CPED1: variants seen among roughly 807,000 people sequenced by gnomAD.
CPED1 encodes cadherin-like and PC-esterase domain-containing protein 1.
In CPED1, 114 loss-of-function variants were observed where a neutral mutation model predicts 128.2. The observed-to-expected ratio is 0.89, with a 90% CI of 0.76 to 1.04. The LOEUF is 1.04. Among genes scored for constraint, CPED1 ranks in the 50% least tolerant of loss-of-function variants. The probability of loss-of-function intolerance (pLI) is 0.00; values close to 1 mark genes in which losing one functional copy is unlikely to be tolerated. For missense variants in CPED1, 1,211 were observed against 1,207.1 expected (o/e 1.00, Z -0.05); for synonymous variants, 462 against 426.7 (o/e 1.08, Z -1.02).
intron 2 of CPED1, among the ~76,000 whole-genome samples, chr7:121,006,952 C>T (rs1053838732): frequency 6.6e-6 from 1 of 152,208 alleles, no homozygotes; most frequent in Admixed American, 6.5e-5. Context: ...TTGGTTGAAA[C>T]GAATGAGCAT....
At chr7:121,293,280 A>ATT (rs1322819898) in intron 22 of CPED1, among the ~76,000 whole-genome samples, 1 of 152,122 alleles carries the variant, frequency 6.6e-6, no homozygotes, top group Non-Finnish European at 1.5e-5. Context: ...CCAGTTCGAA[A>ATT]TTCCCAGCGG....
At chr7:121,283,838 G>C (rs1792509417) in intron 22 of CPED1, among the ~76,000 whole-genome samples, 1 of 152,194 alleles carries the variant, frequency 6.6e-6, no homozygotes, top group African/African-American at 2.4e-5. Context: ...CTGCACAACT[G>C]TCTGTGCAGA....
chr7:121,216,649 G>T (rs1224767414), intron 16 of CPED1, among the ~76,000 whole-genome samples: 2 of 151,958 alleles, frequency 1.3e-5, no homozygotes, highest in Non-Finnish European at 2.9e-5. Flanking sequence ...ACCCAGTTCA[G>T]AGTCTTAAGA....
chr7:121,112,205 C>T (rs537002773), intron 7 of CPED1, among the ~76,000 whole-genome samples: 157 of 152,244 alleles, frequency 1.0e-3, no homozygotes, highest in Non-Finnish European at 1.8e-3. Flanking sequence ...TGGCTGTCCC[C>T]ATAAGGATAT....
Position 120,989,666 on chromosome 7 carries a change from C to T in CPED1, c.45C>T (p.Pro15=). The change falls in exon 2 of 23, where the codon CCC becomes CCT. Residue 15 remains proline, a synonymous_variant. Coordinates refer to ENST00000310396, the MANE Select transcript of CPED1 (RefSeq NM_024913.5). Reference sequence around the variant, plus strand: ...TCCCTTGTCGTCGGCGATTTTGCCCCCGACCCTTCTTGGTGGGCTTAGTGG... The same window carrying T: ...TCCCTTGTCGTCGGCGATTTTGCCCTCGACCCTTCTTGGTGGGCTTAGTGG... ...PVFPCRRRFC[P]RPFLVGLVVA... The T allele has an allele frequency of 1.2e-6, 2 of 1,613,990 alleles. No individual in the cohort carries two copies. Among genetic ancestry groups the T allele is most frequent in the Non-Finnish European group, 1.7e-6 (2 of 1,179,994 alleles).
At chr7:121,043,636 G>A (rs1348024178) in intron 3 of CPED1, among the ~76,000 whole-genome samples, 1 of 152,114 alleles carries the variant, frequency 6.6e-6, no homozygotes, top group East Asian at 1.9e-4. Flanking sequence ...CAGAGACAGA[G>A]CCCAAGCAGA....
chr7:120,999,425 T>A (rs1341700536), intron 2 of CPED1, among the ~76,000 whole-genome samples: 1 of 152,168 alleles, frequency 6.6e-6, no homozygotes, highest in Non-Finnish European at 1.5e-5. Context: ...ATAACATCCT[T>A]TCCTAATCAT....
intron 22 of CPED1, among the ~76,000 whole-genome samples, chr7:121,293,240 A>C (rs1230833479): frequency 6.6e-6 from 1 of 152,196 alleles, no homozygotes; most frequent in Non-Finnish European, 1.5e-5. Flanking sequence ...AATCTAGAGA[A>C]GCAGACTGGC....
chr7:121,170,223 C>A (rs1005483651), intron 16 of CPED1, among the ~76,000 whole-genome samples: 3 of 152,174 alleles, frequency 2.0e-5, no homozygotes, highest in African/African-American at 7.2e-5. Context: ...TCTTCAGATG[C>A]TCTATGCTCA....
At chr7:121,226,292 C>T (rs1187338507) in intron 16 of CPED1, among the ~76,000 whole-genome samples, 2 of 152,008 alleles carry the variant, frequency 1.3e-5, no homozygotes, top group Non-Finnish European at 2.9e-5. Context: ...ATCCTGTTTG[C>T]CTGGGTGTCA....
At chr7:121,012,132 C>G (rs564691520) in intron 2 of CPED1, among the ~76,000 whole-genome samples, 1 of 152,256 alleles carries the variant, frequency 6.6e-6, no homozygotes, top group African/African-American at 2.4e-5. Flanking sequence ...ATTTTTGATT[C>G]CCAATCTTCT....
intron 16 of CPED1, among the ~76,000 whole-genome samples, chr7:121,192,743 C>T (rs1797172302): frequency 1.3e-5 from 2 of 152,096 alleles, no homozygotes; most frequent in Admixed American, 1.3e-4. Context: ...ATCTTTTATT[C>T]ATTTCCTCAC....
At chr7:121,033,310 T>C (rs1792785371) in intron 3 of CPED1, among the ~76,000 whole-genome samples, 1 of 152,208 alleles carries the variant, frequency 6.6e-6, no homozygotes, top group South Asian at 2.1e-4. Flanking sequence ...TTCATGACAC[T>C]ATGTTATGTC....
chr7:121,195,727 A>T (rs1584587455), intron 16 of CPED1, among the ~76,000 whole-genome samples: 1 of 152,200 alleles, frequency 6.6e-6, no homozygotes, highest in African/African-American at 2.4e-5. Flanking sequence ...TGAAGAAAAC[A>T]TTTATCTTCA....
chr7:121,270,022 G>A (rs1261709021), intron 21 of CPED1, among the ~76,000 whole-genome samples: 1 of 151,852 alleles, frequency 6.6e-6, no homozygotes, highest in Non-Finnish European at 1.5e-5. Flanking sequence ...GAGGCGGGAG[G>A]TGCCAGACTC....
At chr7:121,194,543 A>G (rs1797227339) in intron 16 of CPED1, among the ~76,000 whole-genome samples, 1 of 152,014 alleles carries the variant, frequency 6.6e-6, no homozygotes, top group African/African-American at 2.4e-5. Flanking sequence ...TACCAGCTGT[A>G]TGGTTTGGGG....
chr7:121,089,908 C>T (rs116498136), intron 5 of CPED1, among the ~76,000 whole-genome samples: 1 of 152,024 alleles, frequency 6.6e-6, no homozygotes, highest in African/African-American at 2.4e-5. Context: ...ATGCAGAAAA[C>T]CATCAAAGGA....
chr7:121,277,575 C>G (rs1423696258), intron 22 of CPED1, among the ~76,000 whole-genome samples: 1 of 152,074 alleles, frequency 6.6e-6, no homozygotes, highest in Non-Finnish European at 1.5e-5. Flanking sequence ...GACAACCCAC[C>G]TCTTCTTTCC....
intron 11 of CPED1, among the ~76,000 whole-genome samples, chr7:121,129,313 G>GTATATATGTA (rs1554438806): frequency 3.7e-5 from 1 of 26,848 alleles, no homozygotes; most frequent in Admixed American, 6.1e-4. Flanking sequence ...ATATATATAC[G>GTATATATGTA]TATATATATA....
Sources: gnomAD v4.1 joint callset for allele counts (sites outside exome capture counted in the v4.1 genomes callset) on GRCh38, gnomAD v4.1.1 for gene constraint, MANE v1.5 for transcripts, NCBI Gene and HGNC (gene_info 2026-07-23, HGNC 2026-07-21) for gene names.